The following TCF12 variants were observed in gnomAD, a reference collection of about 807,000 sequenced individuals.
TCF12 encodes transcription factor 12.
In TCF12, 45 loss-of-function variants were observed where a neutral mutation model predicts 86.0. The observed-to-expected ratio is 0.52, with a 90% CI of 0.41 to 0.67. TCF12 has a LOEUF of 0.67. Ranked by LOEUF, TCF12 falls within the 30% of genes least tolerant of loss-of-function variation. The pLI is 0.00. For synonymous variants in TCF12, 330 were observed against 299.6 expected (o/e 1.10, Z -1.05); for missense variants, 881 against 859.9 (o/e 1.02, Z -0.31).
intron 8 of TCF12, among the ~76,000 whole-genome samples, chr15:57,223,997 A>T (rs1200063110): frequency 6.6e-6 from 1 of 151,988 alleles, no homozygotes; most frequent in African/African-American, 2.4e-5. Context: ...AACCTACTTC[A>T]CATTTTTCCC....
At chr15:57,087,508 A>G (rs1328052209) in intron 4 of TCF12, among the ~76,000 whole-genome samples, 5 of 151,836 alleles carry the variant, frequency 3.3e-5, no homozygotes, top group African/African-American at 1.2e-4. Context: ...CTGTTGTCAT[A>G]CTGTAGCAGG....
rs777234282 is a variant in TCF12 at position 56,984,014 on chromosome 15, A to AAAAAAAAAAAAAAAAAAAAAAAAAAGAAG, written c.148+62918_148+62919insAAAAAAAAAAAAAAAAAAAAAAAGAAGAA. ...GAGACCCTGTCTCAAAAAAAAAAAA[A>AAAAAAAAAAAAAAAAAAAAAAAAAAGAAG]AAGAAGAAGAAGAATTTTGGATCAA... On this transcript the variant is annotated intron_variant, in intron 3 of 20. Coordinates refer to ENST00000333725, the MANE Select transcript of TCF12 (RefSeq NM_207037.2). Among the ~76,000 whole-genome samples, 9 of 104,444 alleles carry AAAAAAAAAAAAAAAAAAAAAAAAAAGAAG rather than the reference A, an allele frequency of 8.6e-5. 1 individual carries two copies. The highest frequency in any genetic ancestry group is 6.8e-4 in the South Asian group (2 of 2,930). 68.5% of individuals were successfully genotyped at this position (104,444 alleles called of 152,430 possible).
intron 8 of TCF12, among the ~76,000 whole-genome samples, chr15:57,208,536 C>A (rs1442017895): frequency 6.6e-6 from 1 of 151,102 alleles, no homozygotes; most frequent in Non-Finnish European, 1.5e-5. Flanking sequence ...GCAAGTGCCA[C>A]CACAACTGGC....
At position 57,132,761 on chromosome 15, in the gene TCF12, T is replaced by G. The variant is rs180772283; in HGVS notation, c.326-33641T>G. Among the ~76,000 whole-genome samples the G allele has an allele frequency of 1.1e-4, 17 of 152,346 alleles. No homozygotes were observed. The East Asian group carries it at 3.1e-3, about 28-fold the overall frequency. On this transcript the variant is annotated intron_variant, in intron 5 of 20. Coordinates refer to ENST00000333725, the MANE Select transcript of TCF12 (RefSeq NM_207037.2). ...ATAGTCAATCAGTTATTCATAATAC[T>G]AAGTTATCCAAGATATCCCTGCCTA...
intron 5 of TCF12, among the ~76,000 whole-genome samples, chr15:57,154,109 C>G (rs1828097328): frequency 6.6e-6 from 1 of 151,848 alleles, no homozygotes. Context: ...CCAGCCATAT[C>G]AGTAATATAA....
rs374077050 is a variant in TCF12, at chr15:57,217,702, AAG to A, written c.580-13448_580-13447del. On this transcript the variant is annotated intron_variant, in intron 8 of 20. Coordinates refer to ENST00000333725, the MANE Select transcript of TCF12 (RefSeq NM_207037.2). ...TGTTATTTTTAATAATTAATAGAAA[AAG>A]AAAATTTTGATTCGATTTTGTTTGA... Among the ~76,000 whole-genome samples, 45 of 152,326 alleles carry A rather than the reference AAG, an allele frequency of 3.0e-4. No individual in the cohort carries two copies. The East Asian group carries it at 7.5e-3, about 25-fold the overall frequency.
At chr15:57,090,388 G>T (rs575299516) in intron 4 of TCF12, among the ~76,000 whole-genome samples, 2 of 152,196 alleles carry the variant, frequency 1.3e-5, no homozygotes, top group Non-Finnish European at 2.9e-5. Flanking sequence ...ATGGCACCCA[G>T]ATTCTTCTTG....
intron 13 of TCF12, among the ~76,000 whole-genome samples, chr15:57,249,014 G>A (rs1433507424): frequency 3.9e-5 from 6 of 152,172 alleles, no homozygotes; most frequent in African/African-American, 1.2e-4. Context: ...TTACGGGGGG[G>A]CTTACAGAAG....
chr15:57,147,921 C>T (rs564297363), intron 5 of TCF12, among the ~76,000 whole-genome samples: 3 of 150,028 alleles, frequency 2.0e-5, no homozygotes, highest in South Asian at 4.2e-4. Context: ...TGCTCTTCTG[C>T]CCAGGCTGGA....
intron 8 of TCF12, among the ~76,000 whole-genome samples, chr15:57,224,723 A>G (rs2058785559): frequency 6.6e-6 from 1 of 152,208 alleles, no homozygotes; most frequent in African/African-American, 2.4e-5. Context: ...CTGAAAATAT[A>G]AACACATATT....
chr15:57,119,378 C>G (rs1373385585), intron 5 of TCF12, among the ~76,000 whole-genome samples: 1 of 150,802 alleles, frequency 6.6e-6, no homozygotes. Flanking sequence ...GTCTCAAACT[C>G]CTGATGTGAA....
intron 5 of TCF12, among the ~76,000 whole-genome samples, chr15:57,096,379 A>G (rs2151142911): frequency 6.6e-6 from 1 of 152,170 alleles, no homozygotes; most frequent in East Asian, 1.9e-4. Context: ...ACACTGGGAA[A>G]TGTTTCTGGT....
chr15:57,204,759 GAT>G (rs1491167795), intron 8 of TCF12, among the ~76,000 whole-genome samples: 1 of 139,828 alleles, frequency 7.2e-6, no homozygotes, highest in Non-Finnish European at 1.5e-5. Context: ...CTAAACTGAA[GAT>G]TTTTTTTTTT....
At chr15:57,030,960 A>G (rs550062729) in intron 3 of TCF12, among the ~76,000 whole-genome samples, 45 of 152,344 alleles carry the variant, frequency 3.0e-4, no homozygotes, top group African/African-American at 9.1e-4. Flanking sequence ...CCAATTGCCT[A>G]TCTCAAGGAT....
intron 3 of TCF12, among the ~76,000 whole-genome samples, chr15:57,015,778 AAGTACT>A (rs2065118862): frequency 6.6e-6 from 1 of 152,220 alleles, no homozygotes; most frequent in African/African-American, 2.4e-5. Context: ...ACCTTGTTTG[AAGTACT>A]GTGGGCTTGT....
chr15:57,233,456 A>G (rs556801333), intron 11 of TCF12, among the ~76,000 whole-genome samples: 13 of 152,122 alleles, frequency 8.5e-5, no homozygotes, highest in African/African-American at 2.6e-4. Flanking sequence ...AGCATTATAG[A>G]CATGACCCAG....
intron 13 of TCF12, chr15:57,247,056 G>C (rs17239459): frequency 0.21 from 114,578 of 555,848 alleles, 13,097 homozygotes; most frequent in Non-Finnish European, 0.24. Context: ...TTCATAGTTT[G>C]ATTGCTGTTG....
chr15:57,175,095 A>G (rs772784568), intron 6 of TCF12, among the ~76,000 whole-genome samples: 1 of 152,218 alleles, frequency 6.6e-6, no homozygotes, highest in Non-Finnish European at 1.5e-5. Context: ...TACAGGATAT[A>G]TAAAGCATTC....
chr15:57,149,338 C>T (rs1231695602), intron 5 of TCF12, among the ~76,000 whole-genome samples: 1 of 152,128 alleles, frequency 6.6e-6, no homozygotes, highest in African/African-American at 2.4e-5. Context: ...GAGAACTGGT[C>T]ACAACATGCC....
Sources: allele counts gnomAD v4.1 joint callset (sites outside exome capture counted in the v4.1 genomes callset), GRCh38; gene constraint gnomAD v4.1.1; transcripts MANE v1.5; gene names NCBI Gene and HGNC (gene_info 2026-07-23, HGNC 2026-07-21).